INTS6L: variants seen among roughly 807,000 people sequenced by gnomAD.
The protein encoded by INTS6L is integrator complex subunit 6 like.
Under a neutral mutation model 64.7 loss-of-function variants are expected in INTS6L, and 18 were observed. The observed-to-expected ratio is 0.28, with a 90% CI of 0.19 to 0.41. The LOEUF is 0.41. Ranked by LOEUF, INTS6L falls within the 10% of genes least tolerant of loss-of-function variation. The probability of loss-of-function intolerance (pLI) is 1.00; values close to 1 mark genes in which losing one functional copy is unlikely to be tolerated. For missense variants in INTS6L, 533 were observed against 661.0 expected (o/e 0.81, Z 2.12); for synonymous variants, 227 against 235.9 (o/e 0.96, Z 0.34).
intron 2 of INTS6L, 93 bp downstream of exon 2, chrX:135,521,411 G>A (rs1461768658): frequency 1.1e-6 from 1 of 945,068 alleles, no homozygotes. Flanking sequence ...GCGGTCCTGC[G>A]TCGCCCGGCG....
intron 14 of INTS6L, 22 bp from the exon 15 acceptor site, chrX:135,577,171 C>A: frequency 8.4e-7 from 1 of 1,192,785 alleles, no homozygotes; most frequent in African/African-American, 1.7e-5. Context: ...TAATGAAATA[C>A]GTTCATTTAT....
intron 2 of INTS6L, among the ~76,000 whole-genome samples, chrX:135,543,836 A>G (rs376649736): frequency 6.2e-4 from 69 of 112,189 alleles, no homozygotes; most frequent in African/African-American, 2.2e-3. Context: ...ATCTAGTCCA[A>G]TAAGATTTTC....
chrX:135,550,413 A>G (rs1341384202), intron 7 of INTS6L, among the ~76,000 whole-genome samples: 2 of 96,171 alleles, frequency 2.1e-5, no homozygotes, highest in Non-Finnish European at 4.1e-5. Context: ...AGTTGCTCCC[A>G]GTGCCAGATC....
chrX:135,552,277 T>A, intron 8 of INTS6L, 131 bp downstream of exon 8: 1 of 731,634 alleles, frequency 1.4e-6, no homozygotes, highest in Non-Finnish European at 1.9e-6. Context: ...ATGAATGCTG[T>A]CAAATAAGCA....
chrX:135,539,198 A>G (rs1317327232), intron 2 of INTS6L, among the ~76,000 whole-genome samples: 5 of 112,620 alleles, frequency 4.4e-5, no homozygotes, highest in Non-Finnish European at 5.6e-5. Flanking sequence ...CGCTTCATCT[A>G]CATTGAAAAT....
Position 135,579,931 on chromosome X carries a change from T to A in INTS6L, c.2263T>A (p.Ser755Thr). 2 of 1,211,724 alleles carry A rather than the reference T, an allele frequency of 1.7e-6. No individual in the cohort carries two copies. Among genetic ancestry groups the A allele is most frequent in the East Asian group, 5.9e-5 (2 of 33,848 alleles). ...LMPPNQVDSL[S>T]DDFTSLSKDG... ...GCCACCCAACCAAGTGGATTCTCTG[T>A]CTGACGACTTCACAAGTCTCAGCAA... is the stretch of plus-strand genomic sequence containing the variant. The change falls in exon 16 of 18, where the codon TCT becomes ACT. Residue 755 changes from serine (S) to threonine (T), a missense_variant. Transcript: ENST00000639893.
intron 2 of INTS6L, among the ~76,000 whole-genome samples, chrX:135,534,701 T>TTTTTA: frequency 1.0e-5 from 1 of 99,554 alleles, no homozygotes; most frequent in Non-Finnish European, 2.0e-5. Flanking sequence ...TTTTTTTTTT[T>TTTTTA]AAATAGAGTC....
intron 2 of INTS6L, among the ~76,000 whole-genome samples, chrX:135,541,028 G>T (rs1414363296): frequency 9.0e-5 from 10 of 111,675 alleles, no homozygotes; most frequent in African/African-American, 2.6e-4. Flanking sequence ...GCAATGTGCC[G>T]GCCTTGGCCT....
chrX:135,553,908 C>G (rs1448293875), intron 8 of INTS6L, among the ~76,000 whole-genome samples: 2 of 112,014 alleles, frequency 1.8e-5, no homozygotes, highest in African/African-American at 3.2e-5. Flanking sequence ...TTAAGAAATG[C>G]TGTCCTTGCT....
intron 2 of INTS6L, among the ~76,000 whole-genome samples, chrX:135,543,233 G>A (rs138397552): frequency 2.2e-4 from 24 of 111,429 alleles, no homozygotes; most frequent in African/African-American, 7.2e-4. Context: ...TTCTTCCCAG[G>A]GCCAGCAGAT....
In INTS6L at chrX:135,581,139, G is replaced by A. The variant is rs143980255; in HGVS notation, c.2584G>A (p.Ala862Thr). The A allele has an allele frequency of 6.8e-6, 8 of 1,184,029 alleles. No homozygotes were observed. The highest frequency in any genetic ancestry group is 7.9e-6 in the Non-Finnish European group (7 of 881,692). The change falls in exon 17 of 18, where the codon GCA becomes ACA. Residue 862 changes from alanine (A) to threonine (T), a missense_variant. Transcript: ENST00000639893. Reference sequence around the variant, plus strand: ...TGTTGAATTTACCATCAAGGAAGCCGCAAGGTAGGTATAAACAGGAACTCT... The same window carrying A: ...TGTTGAATTTACCATCAAGGAAGCCACAAGGTAGGTATAAACAGGAACTCT... ...QFVEFTIKEA[A>T]RFKRRVLIQY...
At chrX:135,525,651 G>A (rs1352455384) in intron 2 of INTS6L, among the ~76,000 whole-genome samples, 3 of 112,186 alleles carry the variant, frequency 2.7e-5, no homozygotes, top group Non-Finnish European at 3.8e-5. Context: ...TGTGTTACAG[G>A]CATTTTTTAG....
chrX:135,572,922 C>T lies in INTS6L; in HGVS notation c.1506C>T (p.His502=), dbSNP rs61732230. The T allele has an allele frequency of 2.9e-4, 347 of 1,209,293 alleles. 3 individuals carry two copies. In the African/African-American group the frequency reaches 5.2e-3, roughly 18 times the overall value. ...NHSGGGMSLT[H]NKNFRKLLKE... ...CTGGAGGTGGCATGTCCTTGACTCA[C>T]AATAAAAATTTTAGAAAACTATTGA... Residue 502 remains histidine (H), a synonymous_variant, in exon 12 of 18, where the codon CAC becomes CAT. Transcript: ENST00000639893.
chrX:135,570,750 C>T, intron 11 of INTS6L: 1 of 427,743 alleles, frequency 2.3e-6, no homozygotes, highest in Non-Finnish European at 3.7e-6. Flanking sequence ...GATGCTGTGC[C>T]ATTTCTCCTT....
chrX:135,554,480 A>G (rs1435421039), intron 8 of INTS6L, among the ~76,000 whole-genome samples: 1 of 111,932 alleles, frequency 8.9e-6, no homozygotes, highest in Non-Finnish European at 1.9e-5. Flanking sequence ...GGGGTCATAA[A>G]TTACATAAAT....
At chrX:135,553,178 T>G (rs782212539) in intron 8 of INTS6L, among the ~76,000 whole-genome samples, 1 of 111,160 alleles carries the variant, frequency 9.0e-6, no homozygotes, top group African/African-American at 3.3e-5. Flanking sequence ...CAGAGAGAGA[T>G]AAAACTAACT....
At chrX:135,571,792 T>G (rs782196304) in intron 11 of INTS6L, 1 of 111,787 alleles carries the variant, frequency 8.9e-6, no homozygotes, top group African/African-American at 3.3e-5. Context: ...CAAGGAAGAA[T>G]AGTGTACAGA....
intron 2 of INTS6L, among the ~76,000 whole-genome samples, chrX:135,525,979 A>G (rs5975539): frequency 0.11 from 12,251 of 111,757 alleles, 1,157 homozygotes; most frequent in African/African-American, 0.31. Context: ...TAAGAAAAGG[A>G]GAGAGTCAAC....
intron 14 of INTS6L, among the ~76,000 whole-genome samples, chrX:135,576,827 G>A (rs1556531257): frequency 8.9e-6 from 1 of 112,378 alleles, no homozygotes; most frequent in Non-Finnish European, 1.9e-5. Flanking sequence ...AAAATAGTTC[G>A]TACTTCTCTC....
Sources: gnomAD v4.1 joint callset for allele counts (sites outside exome capture counted in the v4.1 genomes callset) on GRCh38, gnomAD v4.1.1 for gene constraint, MANE v1.5 for transcripts, NCBI Gene and HGNC (gene_info 2026-07-23, HGNC 2026-07-21) for gene names.